PSPH: variants seen among roughly 807,000 people sequenced by gnomAD.
PSPH encodes phosphoserine phosphatase, also known as L-3-phosphoserine phosphatase.
A neutral mutation model predicts 23.4 loss-of-function variants in PSPH; 16 were observed. That is an observed-to-expected ratio of 0.68 (90% CI 0.46 to 1.04). PSPH has a LOEUF of 1.04. Ranked by LOEUF, PSPH falls within the 50% of genes least tolerant of loss-of-function variation. The pLI is 0.00. For missense variants in PSPH, 223 were observed against 273.7 expected (o/e 0.81, Z 1.31); for synonymous variants, 68 against 99.7 (o/e 0.68, Z 1.89).
At chr7:56,012,060 C>T (rs1787972720) in intron 7 of PSPH, among the ~76,000 whole-genome samples, 191 bp from the exon 8 acceptor site, 1 of 150,502 alleles carries the variant, frequency 6.6e-6, no homozygotes, top group South Asian at 2.1e-4. Flanking sequence ...TATGCCCCAC[C>T]TCGCCTGGCT....
chr7:56,050,615 A>T lies in PSPH; in HGVS notation c.-292+523T>A, dbSNP rs1793906038. On this transcript the variant is annotated intron_variant, in intron 1 of 7. Coordinates refer to ENST00000275605, the MANE Select transcript of PSPH (RefSeq NM_004577.4). ...GAACATCACGCTGCTGTTACCGAGG[A>T]CTTCCCATTAGTCTTGATATGGCAC... Among the ~76,000 whole-genome samples, 3 of 152,138 alleles carry T rather than the reference A, an allele frequency of 2.0e-5. No individual in the cohort carries two copies. In the South Asian group the frequency reaches 6.2e-4, roughly 32 times the overall value.
intron 5 of PSPH, 146 bp downstream of exon 5, chr7:56,019,454 A>T (rs1232463693): frequency 9.9e-6 from 10 of 1,009,910 alleles, no homozygotes; most frequent in South Asian, 2.4e-5. Context: ...AATACAATTT[A>T]AAAAAATAAT....
At chr7:56,024,746 T>C (rs1394475939) in intron 3 of PSPH, among the ~76,000 whole-genome samples, 2 of 150,590 alleles carry the variant, frequency 1.3e-5, no homozygotes, top group Non-Finnish European at 3.0e-5. Context: ...AGACCCTGTC[T>C]CAAAAGTAAT....
intron 3 of PSPH, among the ~76,000 whole-genome samples, chr7:56,026,912 G>C (rs1790261838): frequency 6.6e-6 from 1 of 151,824 alleles, no homozygotes; most frequent in African/African-American, 2.4e-5. Context: ...TTTTTAAGAA[G>C]GTACATGAGA....
At chr7:56,037,920 A>G (rs1791951498) in intron 1 of PSPH, among the ~76,000 whole-genome samples, 2 of 151,270 alleles carry the variant, frequency 1.3e-5, no homozygotes, top group Admixed American at 1.3e-4. Context: ...ACCATGTTGG[A>G]TAGGCTGGTC....
At chr7:56,048,660 G>A (rs2117243363) in intron 1 of PSPH, among the ~76,000 whole-genome samples, 1 of 152,146 alleles carries the variant, frequency 6.6e-6, no homozygotes, top group African/African-American at 2.4e-5. Context: ...TTGAGACAAG[G>A]TCTCACTCTG....
chr7:56,013,124 C>CAT (rs1788144147), intron 7 of PSPH, among the ~76,000 whole-genome samples: 1 of 134,858 alleles, frequency 7.4e-6, no homozygotes, highest in Non-Finnish European at 1.7e-5. Context: ...TTTATATACA[C>CAT]ACACATATAT....
intron 3 of PSPH, among the ~76,000 whole-genome samples, chr7:56,031,551 G>A (rs991163886): frequency 5.9e-5 from 9 of 152,104 alleles, no homozygotes; most frequent in Non-Finnish European, 1.0e-4. Context: ...AGTGGCTCAC[G>A]CCTGTAATCC....
intron 1 of PSPH, among the ~76,000 whole-genome samples, chr7:56,044,746 G>A (rs1793002488): frequency 6.6e-6 from 1 of 151,950 alleles, no homozygotes; most frequent in South Asian, 2.1e-4. Flanking sequence ...GCTGCAGTGA[G>A]CTAATGATTG....
rs145297112 is a variant in PSPH at position 56,028,776 on chromosome 7, T to C, written c.-20+3153A>G. 5.2e-3 allele frequency among the ~76,000 whole-genome samples: 798 copies of C among 152,074 alleles called. 2 individuals carry two copies. The highest frequency in any genetic ancestry group is 8.6e-3 in the Non-Finnish European group (585 of 67,996). On this transcript the variant is annotated intron_variant, in intron 3 of 7. Coordinates refer to ENST00000275605, the MANE Select transcript of PSPH (RefSeq NM_004577.4). ...GCTCTTCCCATCCTGCTCTGCAAAATGGTGCACCTCCCTGTACACTTTTGA... is the reference window on the plus strand; with the variant it reads ...GCTCTTCCCATCCTGCTCTGCAAAACGGTGCACCTCCCTGTACACTTTTGA...
At position 56,017,326 on chromosome 7, in the gene PSPH, C is replaced by T; in HGVS notation, c.329G>A (p.Gly110Asp). Residue 110 changes from glycine to aspartate, a missense_variant, in exon 6 of 8, where the codon GGT becomes GAT. Physicochemically the swap from Gly to Asp is moderately conservative, Grantham distance 94 (BLOSUM62 -1). Coordinates refer to ENST00000275605, the MANE Select transcript of PSPH (RefSeq NM_004577.4). ...ATGCTCTACAATACTCCTAAAGCCA[C>T]CAGATATTAGGAAAACCTGAACATT... ...ERNVQVFLIS[G>D]GFRSIVEHVA... 5 of 1,610,716 alleles carry T rather than the reference C, an allele frequency of 3.1e-6. No homozygotes were observed. Among genetic ancestry groups the T allele is most frequent in the Non-Finnish European group, 4.2e-6 (5 of 1,177,992 alleles).
intron 1 of PSPH, among the ~76,000 whole-genome samples, chr7:56,049,588 GCCA>G (rs1191794982): frequency 6.6e-6 from 1 of 151,470 alleles, no homozygotes; most frequent in Admixed American, 6.6e-5. Flanking sequence ...ACAGGCAGCC[GCCA>G]CCATGCCCAG....
At chr7:56,030,813 C>T (rs1249079906) in intron 3 of PSPH, among the ~76,000 whole-genome samples, 6 of 151,514 alleles carry the variant, frequency 4.0e-5, no homozygotes, top group African/African-American at 1.2e-4. Flanking sequence ...GCAGGAGAAT[C>T]ACTTGAACCT....
intron 1 of PSPH, among the ~76,000 whole-genome samples, chr7:56,038,915 G>A (rs1386617109): frequency 1.3e-5 from 2 of 151,812 alleles, no homozygotes; most frequent in South Asian, 2.1e-4. Context: ...AGGCTGAGGC[G>A]GGCAGATCAC....
Position 56,011,860 on chromosome 7 carries a change from T to C in PSPH, c.580A>G (p.Ile194Val), listed in dbSNP as rs1432566947. Reference protein sequence around the residue: ...MEACPPADAFIGFGGNVIRQQ... With the variant: ...MEACPPADAFVGFGGNVIRQQ... ...CTGATCACATTTCCTCCAAATCCAA[T>C]GAAAGCATCCTAAGAAGGAAGAAAA... The change falls in exon 8 of 8, where the codon ATT (isoleucine) becomes GTT (valine). Residue 194 changes from isoleucine (I) to valine (V), a missense_variant. Transcript: ENST00000275605. The C allele has an allele frequency of 1.2e-6, 2 of 1,606,086 alleles. No homozygotes were observed. Among genetic ancestry groups the C allele is most frequent in the Non-Finnish European group, 1.7e-6 (2 of 1,172,848 alleles).
At chr7:56,041,102 G>A (rs1333127521) in intron 1 of PSPH, among the ~76,000 whole-genome samples, 8 of 152,010 alleles carry the variant, frequency 5.3e-5, no homozygotes, top group African/African-American at 1.2e-4. Context: ...AGAAGCTCAC[G>A]CCTGTAATCC....
intron 1 of PSPH, among the ~76,000 whole-genome samples, chr7:56,045,294 C>T (rs1162182719): frequency 6.6e-6 from 1 of 151,826 alleles, no homozygotes; most frequent in Non-Finnish European, 1.5e-5. Context: ...CACTTGAGGC[C>T]AGGAGTTCAA....
intron 7 of PSPH, among the ~76,000 whole-genome samples, 156 bp from the exon 8 acceptor site, chr7:56,012,025 C>A (rs1400725600): frequency 6.6e-6 from 1 of 151,890 alleles, no homozygotes; most frequent in Non-Finnish European, 1.5e-5. Context: ...CATGCCTCAG[C>A]CTCCTGAGTA....
intron 1 of PSPH, among the ~76,000 whole-genome samples, chr7:56,048,954 GT>G (rs1012169072): frequency 4.0e-5 from 6 of 151,522 alleles, no homozygotes; most frequent in African/African-American, 1.5e-4. Context: ...GAGTCTCACT[GT>G]GTCACCCAGG....
Sources: gnomAD v4.1 joint callset for allele counts (sites outside exome capture counted in the v4.1 genomes callset) on GRCh38, gnomAD v4.1.1 for gene constraint, MANE v1.5 for transcripts, NCBI Gene and HGNC (gene_info 2026-07-23, HGNC 2026-07-21) for gene names.